The following CDKAL1 variants were observed in gnomAD, a reference collection of about 807,000 sequenced individuals.
CDKAL1 encodes the protein threonylcarbamoyladenosine tRNA methylthiotransferase.
Under a neutral mutation model 68.2 loss-of-function variants are expected in CDKAL1, and 32 were observed. That is an observed-to-expected ratio of 0.47 (90% CI 0.35 to 0.63). The LOEUF (loss-of-function observed/expected upper bound fraction) is 0.63. Among genes scored for constraint, CDKAL1 ranks in the 30% least tolerant of loss-of-function variants. The pLI, the probability that CDKAL1 is intolerant of heterozygous loss-of-function variation, is 0.00. For synonymous variants in CDKAL1, 234 were observed against 244.3 expected, an observed-to-expected ratio of 0.96 and a Z score of 0.39; for missense variants, 606 against 696.7, an observed-to-expected ratio of 0.87 and a Z score of 1.47.
chr6:20,965,829 T>C (rs1283222546), intron 10 of CDKAL1, among the ~76,000 whole-genome samples: 2 of 152,344 alleles, frequency 1.3e-5, no homozygotes, highest in South Asian at 2.1e-4. Flanking sequence ...TCCTCATTAA[T>C]TTAGGAAGTC....
chr6:20,685,427 G>A (rs1288110348), intron 5 of CDKAL1, among the ~76,000 whole-genome samples: 1 of 152,172 alleles, frequency 6.6e-6, no homozygotes, highest in Non-Finnish European at 1.5e-5. Flanking sequence ...TTAAAGTTGA[G>A]TAGTGTCATC....
At chr6:20,572,948 C>G (rs1362853639) in intron 4 of CDKAL1, among the ~76,000 whole-genome samples, 3 of 152,072 alleles carry the variant, frequency 2.0e-5, no homozygotes, top group African/African-American at 7.2e-5. Flanking sequence ...GCTGATTTTC[C>G]TTTTCTCTCA....
intron 4 of CDKAL1, among the ~76,000 whole-genome samples, chr6:20,554,063 C>T (rs531412969): frequency 1.3e-5 from 2 of 152,372 alleles, no homozygotes; most frequent in Non-Finnish European, 2.9e-5. Context: ...AGTGGTCTGC[C>T]CGCCTTGGCC....
chr6:20,753,594 C>T (rs189776752), intron 6 of CDKAL1, among the ~76,000 whole-genome samples: 3 of 152,238 alleles, frequency 2.0e-5, no homozygotes, highest in South Asian at 4.2e-4. Flanking sequence ...CACAATGAAG[C>T]GATGACCTAA....
At chr6:20,667,991 C>G (rs1172761402) in intron 5 of CDKAL1, among the ~76,000 whole-genome samples, 1 of 151,884 alleles carries the variant, frequency 6.6e-6, no homozygotes, top group Non-Finnish European at 1.5e-5. Flanking sequence ...ATAATGTATA[C>G]AAATGACTAT....
At chr6:20,808,309 A>G (rs1025408995) in intron 8 of CDKAL1, among the ~76,000 whole-genome samples, 2 of 152,172 alleles carry the variant, frequency 1.3e-5, no homozygotes, top group Admixed American at 6.5e-5. Context: ...GATGTTGTCA[A>G]TGAAAAGCTT....
Position 21,220,578 on chromosome 6 carries a change from T to A in CDKAL1, c.1549-10270T>A, listed in dbSNP as rs550877860. On this transcript the variant is annotated intron_variant, in intron 15 of 15. Coordinates refer to ENST00000274695, the MANE Select transcript of CDKAL1 (RefSeq NM_017774.3). ...GATTTCTATACTGTGTTATTAATTCTAGATCTGGTTCTTCTGTCCTACACC... is the reference window on the plus strand; with the variant it reads ...GATTTCTATACTGTGTTATTAATTCAAGATCTGGTTCTTCTGTCCTACACC... Among the ~76,000 whole-genome samples the A allele has an allele frequency of 7.9e-5, 12 of 152,380 alleles. No individual in the cohort carries two copies. The East Asian group carries it at 2.3e-3, about 29-fold the overall frequency.
chr6:20,848,279 G>GTTTTTTTGTTTTTTT (rs753304984), intron 9 of CDKAL1, among the ~76,000 whole-genome samples: 1 of 62,286 alleles, frequency 1.6e-5, no homozygotes, highest in African/African-American at 3.6e-5. Context: ...CTGGAAAGTT[G>GTTTTTTTGTTTTTTT]TTTTTTTTTT....
At chr6:21,030,028 A>T (rs1258516429) in intron 11 of CDKAL1, among the ~76,000 whole-genome samples, 2 of 152,206 alleles carry the variant, frequency 1.3e-5, no homozygotes, top group African/African-American at 4.8e-5. Context: ...ATGGCCACAT[A>T]TACTTATTGC....
At chr6:20,905,160 C>T (rs745545228) in intron 9 of CDKAL1, among the ~76,000 whole-genome samples, 14 of 151,800 alleles carry the variant, frequency 9.2e-5, no homozygotes, top group Non-Finnish European at 1.3e-4. Flanking sequence ...AGATAACTGT[C>T]GTAAAGATGT....
At chr6:21,001,316 T>C (rs1377359020) in intron 11 of CDKAL1, among the ~76,000 whole-genome samples, 2 of 152,246 alleles carry the variant, frequency 1.3e-5, no homozygotes, top group Non-Finnish European at 2.9e-5. Flanking sequence ...TTATACAAAT[T>C]GTAAGCAATT....
At chr6:20,649,163 T>C in intron 4 of CDKAL1, 130 bp from the exon 5 acceptor site, 1 of 649,714 alleles carries the variant, frequency 1.5e-6, no homozygotes, top group Non-Finnish European at 2.7e-6. Context: ...TTTTCTACTG[T>C]GTTGTAATTG....
intron 6 of CDKAL1, among the ~76,000 whole-genome samples, chr6:20,741,831 T>C (rs1283448429): frequency 6.6e-6 from 1 of 152,186 alleles, no homozygotes; most frequent in Non-Finnish European, 1.5e-5. Context: ...TACCCAGTAA[T>C]TACATTGCTG....
intron 15 of CDKAL1, among the ~76,000 whole-genome samples, chr6:21,208,787 C>A (rs1779036279): frequency 6.6e-6 from 1 of 152,176 alleles, no homozygotes; most frequent in Non-Finnish European, 1.5e-5. Flanking sequence ...AGTCTAGATA[C>A]ATAGCTTTTA....
intron 5 of CDKAL1, among the ~76,000 whole-genome samples, chr6:20,738,557 T>C (rs1358884442): frequency 6.8e-6 from 1 of 146,634 alleles, no homozygotes; most frequent in Non-Finnish European, 1.5e-5. Context: ...GGCGCCATCA[T>C]CATTGGTGGT....
chr6:20,781,332 G>A, intron 8 of CDKAL1, 67 bp downstream of exon 8: 1 of 1,387,316 alleles, frequency 7.2e-7, no homozygotes. Flanking sequence ...TTTTTTTCTT[G>A]GACATGTGAC....
At chr6:20,849,651 G>A (rs2150501957) in intron 9 of CDKAL1, among the ~76,000 whole-genome samples, 1 of 150,898 alleles carries the variant, frequency 6.6e-6, no homozygotes, top group Non-Finnish European at 1.5e-5. Flanking sequence ...GCCAGGAAGA[G>A]AAGTCTAATT....
intron 4 of CDKAL1, among the ~76,000 whole-genome samples, chr6:20,611,775 A>T (rs554916222): frequency 1.3e-5 from 2 of 152,200 alleles, no homozygotes; most frequent in East Asian, 3.9e-4. Context: ...CTAGTTGTAT[A>T]TTTGAAATAT....
chr6:20,602,680 T>A (rs1396550737), intron 4 of CDKAL1, among the ~76,000 whole-genome samples: 1 of 152,208 alleles, frequency 6.6e-6, no homozygotes, highest in Admixed American at 6.5e-5. Flanking sequence ...CCTTTCCATA[T>A]TTTCTTCTTT....
Sources: allele counts gnomAD v4.1 joint callset (sites outside exome capture counted in the v4.1 genomes callset), GRCh38; gene constraint gnomAD v4.1.1; transcripts MANE v1.5; gene names NCBI Gene and HGNC (gene_info 2026-07-23, HGNC 2026-07-21).